Variants in MTA3 observed in about 807,000 individuals in gnomAD.
MTA3 encodes the protein metastasis associated 1 family member 3, also known as metastasis-associated protein MTA3.
Under a neutral mutation model 83.5 loss-of-function variants are expected in MTA3, and 34 were observed. The ratio of observed to expected loss-of-function variants is 0.41; its 90% CI spans 0.31 to 0.54. The LOEUF is 0.54. Ranked by LOEUF, MTA3 falls within the 20% of genes least tolerant of loss-of-function variation. The pLI is 0.33. For synonymous variants in MTA3, 303 were observed against 252.7 expected (o/e 1.20, Z -1.89); for missense variants, 761 against 726.4 (o/e 1.05, Z -0.55).
chr2:42,621,826 C>T (rs1161554853), intron 4 of MTA3, among the ~76,000 whole-genome samples: 4 of 149,906 alleles, frequency 2.7e-5, no homozygotes, highest in East Asian at 1.9e-4. Flanking sequence ...GGGTCGTGGC[C>T]GGGCAGAGGC....
intron 6 of MTA3, among the ~76,000 whole-genome samples, chr2:42,653,056 G>A (rs1688860666): frequency 6.6e-6 from 1 of 152,202 alleles, no homozygotes; most frequent in Non-Finnish European, 1.5e-5. Context: ...TACTTTGTCA[G>A]TATTTTGTAG....
At chr2:42,750,972 G>C (rs1231094464) in intron 16 of MTA3, among the ~76,000 whole-genome samples, 2 of 152,158 alleles carry the variant, frequency 1.3e-5, no homozygotes, top group Non-Finnish European at 2.9e-5. Flanking sequence ...AGCCTTTGGG[G>C]TTCTCTAGAC....
intron 3 of MTA3, among the ~76,000 whole-genome samples, chr2:42,585,583 G>A (rs558227290): frequency 6.7e-6 from 1 of 148,246 alleles, no homozygotes; most frequent in Non-Finnish European, 1.5e-5. Flanking sequence ...CAAGTGATTC[G>A]CCTGCCTCAG....
At chr2:42,582,591 C>G (rs1405818977) in intron 3 of MTA3, among the ~76,000 whole-genome samples, 2 of 152,044 alleles carry the variant, frequency 1.3e-5, no homozygotes, top group Non-Finnish European at 2.9e-5. Flanking sequence ...AGTTCGAGAT[C>G]AGCCTGGCCA....
intron 2 of MTA3, among the ~76,000 whole-genome samples, chr2:42,554,311 GTCCCAGAAC>G (rs1677276443): frequency 6.6e-6 from 1 of 152,172 alleles, no homozygotes; most frequent in Non-Finnish European, 1.5e-5. Flanking sequence ...AACTCCTTGA[GTCCCAGAAC>G]TCCGTTTCAT....
chr2:42,579,132 A>G lies in MTA3; in HGVS notation c.122A>G (p.Lys41Arg). The G allele has an allele frequency of 6.2e-7, 1 of 1,608,266 alleles. No individual in the cohort carries two copies. Residue 41 changes from lysine to arginine, a missense_variant, in exon 3 of 17, where the codon AAA (lysine) becomes AGA (arginine). Transcript: ENST00000405094. ...ACTGCAAGTGGCAACGTGGAAGCAA[A>G]AGTAGTATGCTTTTATAGACGACGT... ...NKTASGNVEA[K>R]VVCFYRRRDI...
intron 4 of MTA3, among the ~76,000 whole-genome samples, chr2:42,633,809 T>TC (rs1345583599): frequency 7.0e-6 from 1 of 143,462 alleles, no homozygotes; most frequent in Non-Finnish European, 1.5e-5. Context: ...GAATGGCGTG[T>TC]ACCCGGGAGG....
chr2:42,707,949 G>T lies in MTA3; in HGVS notation c.1197G>T (p.Gln399His), dbSNP rs147432609. ...QWYSWGPPNMQCRLCAICWLY... is the reference protein window; with the variant it reads ...QWYSWGPPNMHCRLCAICWLY... Reference sequence around the variant, plus strand: ...ATTCTTGGGGCCCACCTAATATGCAGTGTAGATTATGTGCAATTTGTTGGC... The same window carrying T: ...ATTCTTGGGGCCCACCTAATATGCATTGTAGATTATGTGCAATTTGTTGGC... The change falls in exon 13 of 17, where the codon CAG (glutamine) becomes CAT (histidine). Residue 399 changes from glutamine to histidine, a missense_variant. Physicochemically the swap from Gln to His is conservative, Grantham distance 24. Transcript: ENST00000405094. 3.1e-6 allele frequency: 5 copies of T among 1,613,242 alleles called. No homozygotes were observed. In the South Asian group the frequency reaches 3.3e-5, roughly 11 times the overall value.
chr2:42,710,984 C>T (rs1315557239), intron 14 of MTA3, among the ~76,000 whole-genome samples: 1 of 152,004 alleles, frequency 6.6e-6, no homozygotes, highest in African/African-American at 2.4e-5. Flanking sequence ...AAGGCTGAGG[C>T]AAGAGAATCA....
chr2:42,682,017 G>C (rs566102665), intron 8 of MTA3, among the ~76,000 whole-genome samples: 6 of 152,030 alleles, frequency 3.9e-5, no homozygotes, highest in Non-Finnish European at 7.4e-5. Context: ...GACCAGCCTG[G>C]GCAACATAGC....
intron 10 of MTA3, among the ~76,000 whole-genome samples, chr2:42,696,118 C>A (rs915333663): frequency 1.3e-5 from 2 of 152,062 alleles, no homozygotes; most frequent in Admixed American, 1.3e-4. Flanking sequence ...CTTTGTAGTT[C>A]ATGGCAATGA....
intron 3 of MTA3, among the ~76,000 whole-genome samples, chr2:42,606,723 G>A (rs1368575024): frequency 6.6e-6 from 1 of 151,744 alleles, no homozygotes; most frequent in Non-Finnish European, 1.5e-5. Context: ...GGAGGCCAAG[G>A]CAGGCGGCTG....
chr2:42,545,406 A>AG (rs1428950941), intron 2 of MTA3, among the ~76,000 whole-genome samples: 1 of 152,118 alleles, frequency 6.6e-6, no homozygotes, highest in African/African-American at 2.4e-5. Context: ...AGAAAAAAAA[A>AG]GGAACCTAAG....
chr2:42,690,829 C>G (rs1267825728), intron 9 of MTA3, among the ~76,000 whole-genome samples: 4 of 150,516 alleles, frequency 2.7e-5, no homozygotes, highest in African/African-American at 9.7e-5. Flanking sequence ...CACACGCCAC[C>G]AACCCCAGCT....
chr2:42,572,313 G>A (rs182836065), intron 2 of MTA3, among the ~76,000 whole-genome samples: 143 of 151,910 alleles, frequency 9.4e-4, no homozygotes, highest in African/African-American at 3.1e-3. Flanking sequence ...ATTGTCTGTG[G>A]TAGCTCACAC....
chr2:42,696,996 C>T lies in MTA3; in HGVS notation c.967-780C>T, dbSNP rs1362065475. Among the ~76,000 whole-genome samples the T allele has an allele frequency of 2.6e-5, 4 of 152,218 alleles. No individual in the cohort carries two copies. In the East Asian group the frequency reaches 7.7e-4, roughly 29 times the overall value. On this transcript the variant is annotated intron_variant, in intron 10 of 16. Transcript: ENST00000405094. ...AAGTAGATAATATTCTTTCCAAAAA[C>T]TTCAACCCTGTTCTAAAAGTTTCAA...
intron 8 of MTA3, among the ~76,000 whole-genome samples, chr2:42,668,048 G>C (rs1262073312): frequency 6.6e-6 from 1 of 152,164 alleles, no homozygotes; most frequent in Non-Finnish European, 1.5e-5. Flanking sequence ...ATCAGCAGTG[G>C]TAGTAATAAT....
Position 42,755,554 on chromosome 2 carries a change from G to C in MTA3, c.*2155G>C. On this transcript the variant is annotated 3_prime_UTR_variant, in exon 17 of 17. Coordinates refer to ENST00000405094, the MANE Select transcript of MTA3 (RefSeq NM_001330442.2). Reference sequence around the variant, plus strand: ...GTGGTTCTGTAGTCCAGTCATCCTAGGAGGGTGATGTTGACTGAGACTTCA... The same window carrying C: ...GTGGTTCTGTAGTCCAGTCATCCTACGAGGGTGATGTTGACTGAGACTTCA... 1 of 985,274 alleles carries C rather than the reference G, an allele frequency of 1.0e-6. No homozygotes were observed. The highest frequency in any genetic ancestry group is 1.2e-6 in the Non-Finnish European group (1 of 829,806). The allele number at this position is 985,274 out of a possible 1,614,324, so 61.0% of individuals were successfully genotyped here. A position where few individuals can be genotyped will look rare whatever the true frequency, so the allele number is the denominator to read the frequency against.
At chr2:42,555,526 C>T (rs1162278774) in intron 2 of MTA3, among the ~76,000 whole-genome samples, 2 of 147,078 alleles carry the variant, frequency 1.4e-5, no homozygotes, top group Admixed American at 6.9e-5. Context: ...TTTGGGAGGC[C>T]GAGGTGGGCA....
Sources: gnomAD v4.1 joint callset for allele counts (sites outside exome capture counted in the v4.1 genomes callset) on GRCh38, gnomAD v4.1.1 for gene constraint, MANE v1.5 for transcripts, NCBI Gene and HGNC (gene_info 2026-07-23, HGNC 2026-07-21) for gene names.